SV2C: variants seen among roughly 807,000 people sequenced by gnomAD.
SV2C encodes synaptic vesicle glycoprotein 2C, also known as solute carrier family 22 member B3.
A neutral mutation model predicts 79.7 loss-of-function variants in SV2C; 49 were observed. That is an observed-to-expected ratio of 0.61 (90% CI 0.49 to 0.78). The LOEUF (loss-of-function observed/expected upper bound fraction) is 0.78, where lower values mean the gene tolerates loss of function less well. SV2C is among the 30% of genes least tolerant of loss of function. The pLI is 0.00. For missense variants in SV2C, 833 were observed against 912.9 expected, an observed-to-expected ratio of 0.91 and a Z score of 1.13; for synonymous variants, 334 against 333.2, an observed-to-expected ratio of 1.00 and a Z score of -0.03.
the SV2C span, among the ~76,000 whole-genome samples, chr5:75,967,612 C>T: frequency 6.1e-3 from 921 of 152,212 alleles, 14 homozygotes; most frequent in African/African-American, 0.021. Context: ...AAGGTGGCAG[C>T]GAGGCTGGGG....
chr5:75,894,930 G>A, the SV2C span, among the ~76,000 whole-genome samples: 1 of 152,096 alleles, frequency 6.6e-6, no homozygotes, highest in Non-Finnish European at 1.5e-5. Context: ...CTAAAGCAGA[G>A]TTGTAAACTG....
chr5:76,311,415 G>A (rs1748435850), intron 12 of SV2C: 1 of 152,360 alleles, frequency 6.6e-6, no homozygotes, highest in Non-Finnish European at 1.5e-5. Flanking sequence ...GAAGCGGGAA[G>A]ACGGAAAAGC....
intron 4 of SV2C, among the ~76,000 whole-genome samples, chr5:76,248,610 T>A (rs1746018309): frequency 6.6e-6 from 1 of 150,586 alleles, no homozygotes; most frequent in African/African-American, 2.4e-5. Context: ...CTGCACATAG[T>A]AGGTGCTCAG....
intron 4 of SV2C, among the ~76,000 whole-genome samples, chr5:76,255,817 C>T (rs1035465023): frequency 2.6e-5 from 4 of 152,132 alleles, no homozygotes; most frequent in Admixed American, 6.5e-5. Context: ...CTCTCATCTC[C>T]GCAGCCACCT....
At chr5:76,037,256 T>C in the SV2C span, among the ~76,000 whole-genome samples, 1 of 152,244 alleles carries the variant, frequency 6.6e-6, no homozygotes, top group Non-Finnish European at 1.5e-5. Flanking sequence ...GTCAAAGTCA[T>C]TCTATGTACA....
intron 4 of SV2C, among the ~76,000 whole-genome samples, chr5:76,212,835 C>G (rs541891832): frequency 6.6e-6 from 1 of 152,290 alleles, no homozygotes; most frequent in East Asian, 1.9e-4. Flanking sequence ...CAGATTTTCT[C>G]TCCTGCCTTG....
the SV2C span, among the ~76,000 whole-genome samples, chr5:75,973,739 A>C: frequency 6.6e-6 from 1 of 151,968 alleles, no homozygotes; most frequent in Non-Finnish European, 1.5e-5. Context: ...CTTTATCTGC[A>C]CTCAGTAAGT....
chr5:76,048,988 AAAGAAAG>A, the SV2C span, among the ~76,000 whole-genome samples: 7 of 93,308 alleles, frequency 7.5e-5, no homozygotes, highest in African/African-American at 2.7e-4. Flanking sequence ...AGAAAGAAAG[AAAGAAAG>A]AAAGAAAGAA....
the SV2C span, among the ~76,000 whole-genome samples, chr5:75,972,623 T>C: frequency 4.8e-4 from 73 of 151,948 alleles, no homozygotes; most frequent in Non-Finnish European, 9.0e-4. Flanking sequence ...AAAACCACAA[T>C]GAGATACCAT....
the SV2C span, among the ~76,000 whole-genome samples, chr5:75,972,048 C>A: frequency 1.3e-5 from 2 of 152,116 alleles, no homozygotes; most frequent in Non-Finnish European, 2.9e-5. Flanking sequence ...TGATCTTTGA[C>A]AAACCTGAGA....
chr5:75,909,592 A>G, the SV2C span, among the ~76,000 whole-genome samples: 1 of 152,212 alleles, frequency 6.6e-6, no homozygotes, highest in Non-Finnish European at 1.5e-5. Context: ...TTGTTTAACT[A>G]TTGTAAAGTG....
chr5:76,192,837 A>G (rs1744146748), intron 2 of SV2C, among the ~76,000 whole-genome samples: 1 of 152,206 alleles, frequency 6.6e-6, no homozygotes, highest in Admixed American at 6.5e-5. Context: ...ATATTTTTAA[A>G]CAGAGTGCAA....
intron 1 of SV2C, among the ~76,000 whole-genome samples, chr5:76,130,190 G>T (rs949832835): frequency 6.5e-5 from 8 of 123,452 alleles, no homozygotes; most frequent in African/African-American, 2.5e-4. Flanking sequence ...AGAGCTGGGG[G>T]AGAACAAACA....
At chr5:76,225,892 A>C (rs1745221482) in intron 4 of SV2C, among the ~76,000 whole-genome samples, 2 of 152,192 alleles carry the variant, frequency 1.3e-5, no homozygotes, top group African/African-American at 4.8e-5. Context: ...GCAAATGCTC[A>C]TTGGGCATCC....
the SV2C span, among the ~76,000 whole-genome samples, chr5:75,958,596 C>A: frequency 6.6e-6 from 1 of 152,018 alleles, no homozygotes; most frequent in East Asian, 1.9e-4. Flanking sequence ...GCATTTCCAA[C>A]TTGGCCCTTT....
chr5:76,004,906 A>G, the SV2C span, among the ~76,000 whole-genome samples: 4 of 152,192 alleles, frequency 2.6e-5, no homozygotes, highest in South Asian at 4.1e-4. Flanking sequence ...CCACAGGAGC[A>G]TGAAGCCAGT....
chr5:76,074,309 T>C, the SV2C span, among the ~76,000 whole-genome samples: 1 of 152,164 alleles, frequency 6.6e-6, no homozygotes, highest in African/African-American at 2.4e-5. Context: ...TCAGCCACCA[T>C]TCAGGTAATG....
upstream of SV2C, chr5:76,079,688 T>G: frequency 3.0e-6 from 1 of 330,122 alleles, no homozygotes; most frequent in South Asian, 3.4e-5. Flanking sequence ...CCTTGTGGAA[T>G]TCTCAAAGGA....
At chr5:76,138,179 G>T (rs1340539812) in intron 2 of SV2C, among the ~76,000 whole-genome samples, 1 of 152,196 alleles carries the variant, frequency 6.6e-6, no homozygotes, top group Non-Finnish European at 1.5e-5. Flanking sequence ...TCATTTTAAA[G>T]ATGAAGATAG....
Sources: allele counts gnomAD v4.1 joint callset (sites outside exome capture counted in the v4.1 genomes callset), GRCh38; gene constraint gnomAD v4.1.1; transcripts MANE v1.5; gene names NCBI Gene and HGNC (gene_info 2026-07-23, HGNC 2026-07-21).